The following COL9A2 variants were observed in gnomAD, a reference collection of about 807,000 sequenced individuals.
COL9A2 encodes the protein collagen alpha-2(IX) chain.
A neutral mutation model predicts 111.6 loss-of-function variants in COL9A2; 66 were observed. That is an observed-to-expected ratio of 0.59 (90% CI 0.48 to 0.73). The LOEUF (loss-of-function observed/expected upper bound fraction) is 0.73, where lower values mean the gene tolerates loss of function less well. COL9A2 is among the 30% of genes least tolerant of loss of function. The pLI, the probability that COL9A2 is intolerant of heterozygous loss-of-function variation, is 0.00. For missense variants in COL9A2, 881 were observed against 954.1 expected, an observed-to-expected ratio of 0.92 and a Z score of 1.01; for synonymous variants, 353 against 364.1, an observed-to-expected ratio of 0.97 and a Z score of 0.35.
Position 40,311,502 on chromosome 1 carries a change from G to T in COL9A2, c.517C>A (p.Leu173Met). ...CCGCCCCAGACCTCGTCTCTCACCA[G>T]GAAATCCGCACTGCCTTCCAGACCC... ...IQGLEGSADF[L>M]CPTNCPPGMK... Residue 173 changes from leucine to methionine, a missense_variant and splice_region_variant, in exon 10 of 32, where the codon CTG (leucine) becomes ATG (methionine). Transcript: ENST00000372748. The surrounding 1 kb of genome is among the most constrained non-coding windows in gnomAD (Gnocchi z 5.1). 1 of 1,499,518 alleles carries T rather than the reference G, an allele frequency of 6.7e-7. No homozygotes were observed. Among genetic ancestry groups the T allele is most frequent in the Non-Finnish European group, 9.0e-7 (1 of 1,110,444 alleles). The allele number at this position is 1,499,518 out of a possible 1,614,324, so 92.9% of individuals were successfully genotyped here. A position where few individuals can be genotyped will look rare whatever the true frequency, so the allele number is the denominator to read the frequency against.
Position 40,310,161 on chromosome 1 carries a change from G to C in COL9A2, c.742C>G (p.Pro248Ala), listed in dbSNP as rs772771389. 1 of 1,614,128 alleles carries C rather than the reference G, an allele frequency of 6.2e-7. No homozygotes were observed. ...GMAGPKGETG[P>A]HGYKGMVGAI... ...CCCACCATGCCTTTATATCCATGAG[G>C]GCCCTGGGGAGAGGAAAGGGTTGCA... Residue 248 changes from proline (P) to alanine (A), a missense_variant, in exon 15 of 32, where the codon CCT (proline) becomes GCT (alanine). Transcript: ENST00000372748. This position sits in a 1 kb window ranked among gnomAD's most constrained non-coding sequence, Gnocchi z 4.9.
In COL9A2 at chr1:40,303,258, C is replaced by A; in HGVS notation, c.1549-73G>T. 6.9e-7 allele frequency: 1 copy of A among 1,452,516 alleles called. No homozygotes were observed. 90.0% of individuals were successfully genotyped at this position (1,452,516 alleles called of 1,614,324 possible). Reference sequence around the variant, plus strand: ...ACCGCTCCTATCCCACCTGGCTGAGCGTGAGGCCGCCATGGAGGAGACTCT... The same window carrying A: ...ACCGCTCCTATCCCACCTGGCTGAGAGTGAGGCCGCCATGGAGGAGACTCT... On this transcript the variant is annotated intron_variant, in intron 28 of 31. Transcript: ENST00000372748. The surrounding 1 kb of genome is among the most constrained non-coding windows in gnomAD (Gnocchi z 4.6).
Position 40,302,605 on chromosome 1 carries a change from G to A in COL9A2, c.1792+16C>T, listed in dbSNP as rs757858609. 1.5e-5 allele frequency: 24 copies of A among 1,591,050 alleles called. No homozygotes were observed. The highest frequency in any genetic ancestry group is 4.6e-5 in the South Asian group (4 of 87,556). ...TCACTGCCTGGCCCCCATGCCCACC[G>A]CAGAGGAGCACTCACCCTTGGGCCC... On this transcript the variant is annotated intron_variant, in intron 30 of 31. Transcript: ENST00000372748. This position sits in a 1 kb window ranked among gnomAD's most constrained non-coding sequence, Gnocchi z 4.5.
rs772278003 is a variant in COL9A2 at position 40,302,777 on chromosome 1, G to C, written c.1636C>G (p.Arg546Gly). 20 of 1,546,362 alleles carry C rather than the reference G, an allele frequency of 1.3e-5. No individual in the cohort carries two copies. The highest frequency in any genetic ancestry group is 1.7e-5 in the Non-Finnish European group (19 of 1,144,766). Residue 546 changes from arginine to glycine, a missense_variant, in exon 30 of 32, where the codon CGG becomes GGG. Physicochemically the swap from Arg to Gly is moderately radical, Grantham distance 125. Transcript: ENST00000372748. This position sits in a 1 kb window ranked among gnomAD's most constrained non-coding sequence, Gnocchi z 4.5. ...ATGCCCACCGCACCCAGGGCTTCCC[G>C]CTTGGCACTCACGGCGACCTCTGCC... ...QLAEVAVSAK[R>G]EALGAVGMMG... is the part of the protein sequence containing the mutation.
rs1218975986 is a variant in COL9A2 at position 40,314,245 on chromosome 1, T to C, written c.209A>G (p.Lys70Arg). Residue 70 changes from lysine to arginine, a missense_variant, in exon 4 of 32, where the codon AAA becomes AGA. Coordinates refer to ENST00000372748, the MANE Select transcript of COL9A2 (RefSeq NM_001852.4). This position sits in a 1 kb window ranked among gnomAD's most constrained non-coding sequence, Gnocchi z 4.1. ...CCCGTCTGGCCCATCTGGCCCAGCT[T>C]TGCCAGGCTCGCCCTTGGGTCCCTT... ...GPPGPKGEPGKAGPDGPDGKP... is the reference protein window; with the variant it reads ...GPPGPKGEPGRAGPDGPDGKP... 1 of 1,614,106 alleles carries C rather than the reference T, an allele frequency of 6.2e-7. No individual in the cohort carries two copies. The highest frequency in any genetic ancestry group is 8.5e-7 in the Non-Finnish European group (1 of 1,180,046).
chr1:40,303,110 G>A lies in COL9A2; in HGVS notation c.1603+21C>T. 6.2e-7 allele frequency: 1 copy of A among 1,609,996 alleles called. No homozygotes were observed. The highest frequency in any genetic ancestry group is 1.3e-5 in the African/African-American group (1 of 74,962). On this transcript the variant is annotated intron_variant, in intron 29 of 31. Coordinates refer to ENST00000372748, the MANE Select transcript of COL9A2 (RefSeq NM_001852.4). This position sits in a 1 kb window ranked among gnomAD's most constrained non-coding sequence, Gnocchi z 4.6. ...GGCGATGCCCTCGAACTGACTGTGA[G>A]GAGGGGTTGCTGCCCCTCACCTTGC...
rs771874430 is a variant in COL9A2, at chr1:40,306,093, G to C, written c.1053+50C>G. 10 of 1,606,530 alleles carry C rather than the reference G, an allele frequency of 6.2e-6. No individual in the cohort carries two copies. The South Asian group carries it at 1.1e-4, about 18-fold the overall frequency. On this transcript the variant is annotated intron_variant, in intron 20 of 31. Coordinates refer to ENST00000372748, the MANE Select transcript of COL9A2 (RefSeq NM_001852.4). ...GAGGCCTGGGCCTTGCTGTCTTCCT[G>C]GCCCCAGACTTCCTTGCTCAATTCT...
At position 40,304,315 on chromosome 1, in the gene COL9A2, G is replaced by A. The variant is rs997566626; in HGVS notation, c.1287+5C>T. 6 of 1,556,816 alleles carry A rather than the reference G, an allele frequency of 3.9e-6. No homozygotes were observed. Among genetic ancestry groups the A allele is most frequent in the Non-Finnish European group, 5.2e-6 (6 of 1,149,660 alleles). ...TCCCAGGTGTTTCCCAGCCCCATCTGGCACCTTGTCTCCTTTGACGCCTGG... is the reference window on the plus strand; with the variant it reads ...TCCCAGGTGTTTCCCAGCCCCATCTAGCACCTTGTCTCCTTTGACGCCTGG... On this transcript the variant is annotated splice_donor_5th_base_variant and intron_variant, in intron 24 of 31. Coordinates refer to ENST00000372748, the MANE Select transcript of COL9A2 (RefSeq NM_001852.4).
In COL9A2 at chr1:40,303,320, T is replaced by C. The variant is rs1569704137; in HGVS notation, c.1549-135A>G. On this transcript the variant is annotated intron_variant, in intron 28 of 31. Coordinates refer to ENST00000372748, the MANE Select transcript of COL9A2 (RefSeq NM_001852.4). This position sits in a 1 kb window ranked among gnomAD's most constrained non-coding sequence, Gnocchi z 4.6. ...ATTAATTCCCAAGCTGAGGAACAGA[T>C]TGTACCTGGGCAGGGCCAAGGGCTT... The C allele has an allele frequency of 6.0e-6, 7 of 1,157,454 alleles. No individual in the cohort carries two copies. Among genetic ancestry groups the C allele is most frequent in the Middle Eastern group, 1.9e-4 (1 of 5,178 alleles). The allele number at this position is 1,157,454 out of a possible 1,614,324, so 71.7% of individuals were successfully genotyped here. A position where few individuals can be genotyped will look rare whatever the true frequency, so the allele number is the denominator to read the frequency against.
chr1:40,308,349 T>A, intron 16 of COL9A2, 104 bp from the exon 17 acceptor site: 3 of 1,212,438 alleles, frequency 2.5e-6, no homozygotes, highest in Non-Finnish European at 3.6e-6. Flanking sequence ...GTCCCAGAGT[T>A]CCTCTGGCAC....
In COL9A2 at chr1:40,312,356, A is replaced by G; in HGVS notation, c.363+100T>C. 1.3e-6 allele frequency: 2 copies of G among 1,497,672 alleles called. No individual in the cohort carries two copies. Among genetic ancestry groups the G allele is most frequent in the Non-Finnish European group, 1.8e-6 (2 of 1,093,996 alleles). The allele number at this position is 1,497,672 out of a possible 1,614,324, so 92.8% of individuals were successfully genotyped here. A position where few individuals can be genotyped will look rare whatever the true frequency, so the allele number is the denominator to read the frequency against. On this transcript the variant is annotated intron_variant, in intron 7 of 31. Transcript: ENST00000372748. The surrounding 1 kb of genome is among the most constrained non-coding windows in gnomAD (Gnocchi z 6.0). The stretch of plus-strand genomic sequence containing the variant: ...ACTTATTCCTGACACTATCACAGCA[A>G]GCTGGCTCCTTCCCATGGTGGCCAT...
rs1366586412 is a variant in COL9A2 at position 40,314,868 on chromosome 1, A to AGT, written c.151-483_151-482dup. Among the ~76,000 whole-genome samples, 20 of 152,290 alleles carry AGT rather than the reference A, an allele frequency of 1.3e-4. No homozygotes were observed. The highest frequency in any genetic ancestry group is 5.9e-4 in the Admixed American group (9 of 15,298). The stretch of plus-strand genomic sequence containing the variant: ...AAGGGGGACTGCAAGGGGGAAATTC[A>AGT]GTGTTCCCAAGGAGGGAAGGACCTC... On this transcript the variant is annotated intron_variant, in intron 2 of 31. Transcript: ENST00000372748. This position sits in a 1 kb window ranked among gnomAD's most constrained non-coding sequence, Gnocchi z 4.1.
chr1:40,309,878 C>G, intron 16 of COL9A2, 60 bp downstream of exon 16: 6 of 1,577,146 alleles, frequency 3.8e-6, no homozygotes, highest in Non-Finnish European at 5.2e-6. Context: ...TAGGGGGTGC[C>G]TTGTCCTGCC....
intron 22 of COL9A2, 78 bp downstream of exon 22, chr1:40,304,716 C>T: frequency 1.4e-6 from 2 of 1,449,880 alleles, no homozygotes; most frequent in Admixed American, 3.9e-5. Flanking sequence ...TCACGGGCTG[C>T]ACGGAGCAGA....
chr1:40,303,623 G>A lies in COL9A2; in HGVS notation c.1455C>T (p.Ala485=). The change falls in exon 28 of 32, where the codon GCC becomes GCT. Residue 485 remains alanine, a synonymous_variant. Coordinates refer to ENST00000372748, the MANE Select transcript of COL9A2 (RefSeq NM_001852.4). The surrounding 1 kb of genome is among the most constrained non-coding windows in gnomAD (Gnocchi z 4.6). ...GYPGPSGDAG[A]PGVQGYPGPP... is the part of the protein sequence containing the mutation. The stretch of plus-strand genomic sequence containing the variant: ...GACCAGGGTAGCCCTGAACCCCTGG[G>A]GCGCCCGCATCCCCGCTGGGGCCAG... 1 of 1,598,574 alleles carries A rather than the reference G, an allele frequency of 6.3e-7. No homozygotes were observed. Among genetic ancestry groups the A allele is most frequent in the Non-Finnish European group, 8.5e-7 (1 of 1,173,444 alleles).
rs763105349 is a variant in COL9A2, at chr1:40,310,624, T to C, written c.684+90A>G. The C allele has an allele frequency of 3.7e-5, 44 of 1,194,342 alleles. No individual in the cohort carries two copies. The highest frequency in any genetic ancestry group is 5.2e-5 in the Non-Finnish European group (43 of 821,770). 74.0% of individuals were successfully genotyped at this position (1,194,342 alleles called of 1,614,324 possible). A position where few individuals can be genotyped will look rare whatever the true frequency, so the allele number is the denominator to read the frequency against. On this transcript the variant is annotated intron_variant, in intron 13 of 31. Coordinates refer to ENST00000372748, the MANE Select transcript of COL9A2 (RefSeq NM_001852.4). The surrounding 1 kb of genome is among the most constrained non-coding windows in gnomAD (Gnocchi z 4.9). ...CCCAGCTAGACACAGGTGTCTCTTT[T>C]ACAAGCTAGAGGCCTGAGCAGGGGA...
chr1:40,307,882 GC>G lies in COL9A2; in HGVS notation c.901-127del. On this transcript the variant is annotated intron_variant, in intron 17 of 31. Coordinates refer to ENST00000372748, the MANE Select transcript of COL9A2 (RefSeq NM_001852.4). The surrounding 1 kb of genome is among the most constrained non-coding windows in gnomAD (Gnocchi z 4.8). ...GGAGTGGCTCTGGTCATCCCAGGAA[GC>G]CCCACTGGCCAACTGGGGGAGGGGA... is the stretch of plus-strand genomic sequence containing the variant. 1 of 993,838 alleles carries G rather than the reference GC, an allele frequency of 1.0e-6. No homozygotes were observed. 61.6% of individuals were successfully genotyped at this position (993,838 alleles called of 1,614,324 possible).
chr1:40,310,439 T>C lies in COL9A2; in HGVS notation c.685-122A>G. Reference sequence around the variant, plus strand: ...GGTAGGCAGCAGAGTCTCTGTCTCATGGATGGGACATGGAGGTTCAGAGAT... The same window carrying C: ...GGTAGGCAGCAGAGTCTCTGTCTCACGGATGGGACATGGAGGTTCAGAGAT... On this transcript the variant is annotated intron_variant, in intron 13 of 31. Coordinates refer to ENST00000372748, the MANE Select transcript of COL9A2 (RefSeq NM_001852.4). The surrounding 1 kb of genome is among the most constrained non-coding windows in gnomAD (Gnocchi z 4.9). 3.9e-6 allele frequency: 4 copies of C among 1,030,324 alleles called. No individual in the cohort carries two copies. The highest frequency in any genetic ancestry group is 6.0e-6 in the Non-Finnish European group (4 of 668,200). The allele number at this position is 1,030,324 out of a possible 1,614,324, so 63.8% of individuals were successfully genotyped here.
intron 31 of COL9A2, among the ~76,000 whole-genome samples, 179 bp from the exon 32 acceptor site, chr1:40,301,560 C>A (rs1424301525): frequency 6.6e-6 from 1 of 152,206 alleles, no homozygotes; most frequent in Non-Finnish European, 1.5e-5. Flanking sequence ...AATCAGTGAG[C>A]TTTGGGAGCA....
Sources: allele counts gnomAD v4.1 joint callset (sites outside exome capture counted in the v4.1 genomes callset), GRCh38; gene constraint gnomAD v4.1.1; non-coding constraint Gnocchi (gnomAD v3.1); transcripts MANE v1.5; gene names NCBI Gene and HGNC (gene_info 2026-07-23, HGNC 2026-07-21).